The following ITGA9 variants were observed in gnomAD, a reference collection of about 807,000 sequenced individuals.
ITGA9 encodes the protein integrin subunit alpha 9, also known as integrin alpha-9.
A neutral mutation model predicts 127.8 loss-of-function variants in ITGA9; 56 were observed. The observed-to-expected ratio is 0.44, with a 90% confidence interval of 0.35 to 0.55. The LOEUF is 0.55. Among genes scored for constraint, ITGA9 ranks in the 20% least tolerant of loss-of-function variants. The pLI is 0.00. For synonymous variants in ITGA9, 508 were observed against 514.5 expected, an observed-to-expected ratio of 0.99 and a Z score of 0.17; for missense variants, 1,196 against 1,347.1, an observed-to-expected ratio of 0.89 and a Z score of 1.76.
intron 15 of ITGA9, among the ~76,000 whole-genome samples, chr3:37,563,647 G>A (rs1417153832): frequency 6.6e-6 from 1 of 152,192 alleles, no homozygotes; most frequent in East Asian, 1.9e-4. Flanking sequence ...AATTCTGGAG[G>A]ACAGATTCCA....
chr3:37,809,991 CTGAG>C (rs1301983621), intron 27 of ITGA9, among the ~76,000 whole-genome samples: 1 of 152,196 alleles, frequency 6.6e-6, no homozygotes, highest in Non-Finnish European at 1.5e-5. Context: ...GGGAAAGCCA[CTGAG>C]TGTTACCCAG....
intron 14 of ITGA9, 35 bp downstream of exon 14, chr3:37,533,503 G>A (rs752257614): frequency 1.9e-5 from 30 of 1,608,644 alleles, no homozygotes; most frequent in Middle Eastern, 1.7e-4. Context: ...CAGGATACCC[G>A]TTTAGCTGGA....
Position 37,506,075 on chromosome 3 carries a change from G to T in ITGA9, c.818G>T (p.Gly273Val). 1.2e-6 allele frequency: 2 copies of T among 1,608,070 alleles called. No homozygotes were observed. The highest frequency in any genetic ancestry group is 1.7e-6 in the Non-Finnish European group (2 of 1,176,886). The change falls in exon 7 of 28, where the codon GGC (glycine) becomes GTC (valine). Residue 273 changes from glycine (G) to valine (V), a missense_variant. Transcript: ENST00000264741. Reference protein sequence around the residue: ...DVVGGAPQDKGIGKVYIFRAD... With the variant: ...DVVGGAPQDKVIGKVYIFRAD... ...GTAGGAGGTGCCCCACAGGACAAAG[G>T]CATCGGCAAGGTGAGGAGAAACATC...
At chr3:37,553,174 A>G (rs2125595725) in intron 15 of ITGA9, among the ~76,000 whole-genome samples, 1 of 152,340 alleles carries the variant, frequency 6.6e-6, no homozygotes, top group Non-Finnish European at 1.5e-5. Flanking sequence ...GTTTGAGAGT[A>G]AGTCGGAGAC....
chr3:37,708,270 GA>G, intron 18 of ITGA9, among the ~76,000 whole-genome samples: 1 of 152,324 alleles, frequency 6.6e-6, no homozygotes, highest in Middle Eastern at 3.4e-3. Flanking sequence ...GGTTCCAAAA[GA>G]GTGAGTAGAA....
intron 18 of ITGA9, among the ~76,000 whole-genome samples, chr3:37,696,168 C>T (rs576877885): frequency 6.6e-6 from 1 of 152,282 alleles, no homozygotes; most frequent in East Asian, 1.9e-4. Context: ...CTCAGCTGGG[C>T]ACATTGCTAC....
intron 15 of ITGA9, among the ~76,000 whole-genome samples, chr3:37,546,959 T>A (rs1699332333): frequency 6.6e-6 from 1 of 152,192 alleles, no homozygotes; most frequent in Non-Finnish European, 1.5e-5. Flanking sequence ...ATCAAATACC[T>A]ATGCATGACA....
At chr3:37,590,447 C>T (rs1422592682) in intron 15 of ITGA9, among the ~76,000 whole-genome samples, 1 of 152,194 alleles carries the variant, frequency 6.6e-6, no homozygotes, top group Non-Finnish European at 1.5e-5. Flanking sequence ...TGTTCTCTGA[C>T]CAATTCCCAG....
intron 23 of ITGA9, among the ~76,000 whole-genome samples, chr3:37,767,216 C>T (rs1203497856): frequency 6.6e-6 from 1 of 152,190 alleles, no homozygotes; most frequent in East Asian, 1.9e-4. Context: ...ATGGCAGCCT[C>T]ATACAGAGGC....
intron 13 of ITGA9, among the ~76,000 whole-genome samples, chr3:37,531,739 C>T (rs267569): frequency 0.42 from 64,535 of 152,044 alleles, 14,540 homozygotes; most frequent in East Asian, 0.72. Context: ...AAAATTTGTA[C>T]TTATTTAACA....
intron 15 of ITGA9, among the ~76,000 whole-genome samples, chr3:37,566,685 C>A (rs1699550742): frequency 6.6e-6 from 1 of 152,162 alleles, no homozygotes; most frequent in African/African-American, 2.4e-5. Flanking sequence ...TAAACTGGAC[C>A]AATTTCATAT....
At chr3:37,656,578 A>G (rs557542616) in intron 17 of ITGA9, among the ~76,000 whole-genome samples, 1 of 152,334 alleles carries the variant, frequency 6.6e-6, no homozygotes, top group South Asian at 2.1e-4. Flanking sequence ...TATCAGCTTA[A>G]GGAGATTTTG....
intron 13 of ITGA9, among the ~76,000 whole-genome samples, chr3:37,526,365 C>A (rs765883229): frequency 1.2e-4 from 18 of 152,154 alleles, no homozygotes; most frequent in Non-Finnish European, 2.6e-4. Context: ...AACTCTTAAG[C>A]CTAACTCTTA....
intron 18 of ITGA9, among the ~76,000 whole-genome samples, chr3:37,713,152 G>T (rs1181644800): frequency 6.6e-6 from 1 of 152,194 alleles, no homozygotes; most frequent in African/African-American, 2.4e-5. Flanking sequence ...ACTGAAGACA[G>T]TGGCGTGGGA....
chr3:37,578,869 A>G (rs1386792377), intron 15 of ITGA9, among the ~76,000 whole-genome samples: 1 of 151,990 alleles, frequency 6.6e-6, no homozygotes, highest in Non-Finnish European at 1.5e-5. Flanking sequence ...TATTCCTTGT[A>G]AGGTTTAGCC....
chr3:37,716,389 GA>G (rs957424716), intron 18 of ITGA9, among the ~76,000 whole-genome samples: 2 of 151,858 alleles, frequency 1.3e-5, no homozygotes, highest in East Asian at 1.9e-4. Flanking sequence ...CAAGGCACCT[GA>G]AAAAATTTTC....
At chr3:37,475,704 TTTTG>T (rs1698486724) in intron 3 of ITGA9, among the ~76,000 whole-genome samples, 1 of 152,264 alleles carries the variant, frequency 6.6e-6, no homozygotes, top group African/African-American at 2.4e-5. Context: ...TCCTTGTGCC[TTTTG>T]TTTGTTTTTC....
chr3:37,653,161 A>G (rs1269730399), intron 16 of ITGA9, among the ~76,000 whole-genome samples: 1 of 152,194 alleles, frequency 6.6e-6, no homozygotes, highest in Non-Finnish European at 1.5e-5. Context: ...AACTGGAAAG[A>G]ATCTCCCCCA....
intron 15 of ITGA9, among the ~76,000 whole-genome samples, chr3:37,611,226 G>C (rs1429931626): frequency 6.6e-6 from 1 of 152,224 alleles, no homozygotes; most frequent in Admixed American, 6.5e-5. Context: ...GACATGCTGA[G>C]ATGAGTGTGA....
Sources: allele counts gnomAD v4.1 joint callset (sites outside exome capture counted in the v4.1 genomes callset), GRCh38; gene constraint gnomAD v4.1.1; transcripts MANE v1.5; gene names NCBI Gene and HGNC (gene_info 2026-07-23, HGNC 2026-07-21).